The following KMT2A variants were observed in gnomAD, a reference collection of about 807,000 sequenced individuals.
The protein encoded by KMT2A is histone-lysine N-methyltransferase 2A.
KMT2A carries 16 observed loss-of-function variants against 345.3 expected under a neutral mutation model. The observed-to-expected ratio is 0.05, with a 90% CI of 0.03 to 0.07. The LOEUF (loss-of-function observed/expected upper bound fraction) is 0.07. KMT2A is among the 10% of genes least tolerant of loss of function. KMT2A has a pLI of 1.00. For synonymous variants in KMT2A, 1,599 were observed against 1,778.6 expected (o/e 0.90, Z 2.54); for missense variants, 3,272 against 4,841.6 (o/e 0.68, Z 9.62).
chr11:118,514,348 C>A (rs1350120688), intron 31 of KMT2A, among the ~76,000 whole-genome samples: 1 of 152,110 alleles, frequency 6.6e-6, no homozygotes, highest in East Asian at 1.9e-4. Context: ...TTCATCTGTT[C>A]AGTCTCAGCT....
intron 1 of KMT2A, among the ~76,000 whole-genome samples, chr11:118,443,306 A>G (rs1555026349): frequency 6.6e-6 from 1 of 152,240 alleles, no homozygotes; most frequent in Non-Finnish European, 1.5e-5. Context: ...ATGACTTCCC[A>G]TAAAATGGTT....
At chr11:118,489,595 C>G (rs1387394741) in intron 11 of KMT2A, among the ~76,000 whole-genome samples, 197 bp from the exon 12 acceptor site, 1 of 152,176 alleles carries the variant, frequency 6.6e-6, no homozygotes, top group Non-Finnish European at 1.5e-5. Context: ...AATATGAATA[C>G]TCATCACTGA....
chr11:118,501,933 T>C, intron 26 of KMT2A, 76 bp downstream of exon 26: 1 of 1,245,706 alleles, frequency 8.0e-7, no homozygotes, highest in South Asian at 1.4e-5. Flanking sequence ...CAGGCAACTT[T>C]ATCTTGGTGA....
intron 1 of KMT2A, chr11:118,450,423 C>T (rs1353203986): frequency 6.6e-6 from 1 of 152,130 alleles, no homozygotes; most frequent in East Asian, 1.9e-4. Flanking sequence ...ATCTTTGCTG[C>T]TTATTCTTGT....
At position 118,493,696 on chromosome 11, in the gene KMT2A, T is replaced by C. The variant is rs920439805; in HGVS notation, c.5178+466T>C. ...CTCATGATCTATATTTGCGATTCTG[T>C]TGTTTATTTTTATTTATTTATTTAT... On this transcript the variant is annotated intron_variant, in intron 16 of 35. Transcript: ENST00000534358. This position sits in a 1 kb window ranked among gnomAD's most constrained non-coding sequence, Gnocchi z 5.8. Among the ~76,000 whole-genome samples the C allele has an allele frequency of 4.3e-4, 66 of 152,180 alleles. 1 individual carries two copies. The highest frequency in any genetic ancestry group is 1.6e-3 in the African/African-American group (66 of 41,538).
At chr11:118,485,747 C>T (rs1374298794) in intron 10 of KMT2A, among the ~76,000 whole-genome samples, 1 of 152,098 alleles carries the variant, frequency 6.6e-6, no homozygotes, top group Non-Finnish European at 1.5e-5. Context: ...AAACTGGAAA[C>T]AACCCGAAAG....
Position 118,521,538 on chromosome 11 carries a change from A to G in KMT2A, c.11643+121A>G, listed in dbSNP as rs563370323. The G allele has an allele frequency of 1.0e-3, 1,246 of 1,223,882 alleles. 10 individuals are homozygous for G. In the Middle Eastern group the frequency reaches 0.011, roughly 11 times the overall value. The allele number at this position is 1,223,882 out of a possible 1,614,324, so 75.8% of individuals were successfully genotyped here. On this transcript the variant is annotated intron_variant, in intron 35 of 35. Transcript: ENST00000534358. The surrounding 1 kb of genome is among the most constrained non-coding windows in gnomAD (Gnocchi z 5.3). ...CAATTCAGAGACCTTTCTTAAAAAA[A>G]TAAACTCTGAAATTTGTGAGGGGCC...
chr11:118,476,612 C>CT lies in KMT2A; in HGVS notation c.3157-186dup, dbSNP rs1950042863. On this transcript the variant is annotated intron_variant, in intron 3 of 35. Transcript: ENST00000534358. This position sits in a 1 kb window ranked among gnomAD's most constrained non-coding sequence, Gnocchi z 4.1. ...TGTTTTTTATTTTTTGATTAGAGGC[C>CT]TTTTTTTGTGCTGCCAATTAGGATA... 1.3e-5 allele frequency among the ~76,000 whole-genome samples: 2 copies of CT among 152,102 alleles called. No individual in the cohort carries two copies. Among genetic ancestry groups the CT allele is most frequent in the South Asian group, 2.1e-4 (1 of 4,822 alleles).
chr11:118,460,176 T>C (rs1393035853), intron 1 of KMT2A, among the ~76,000 whole-genome samples: 1 of 152,254 alleles, frequency 6.6e-6, no homozygotes. Flanking sequence ...TTTCTAGCTC[T>C]GGAGTGCCTA....
chr11:118,444,150 C>G (rs980175178), intron 1 of KMT2A, among the ~76,000 whole-genome samples: 12 of 152,162 alleles, frequency 7.9e-5, no homozygotes, highest in Admixed American at 5.9e-4. Flanking sequence ...TTTATACTAT[C>G]TCAGTTCTAA....
In KMT2A at chr11:118,492,907, C is replaced by T. The variant is rs577070092; in HGVS notation, c.5005-150C>T. 49 of 656,234 alleles carry T rather than the reference C, an allele frequency of 7.5e-5. No individual in the cohort carries two copies. The African/African-American group carries it at 8.6e-4, about 11-fold the overall frequency. The allele number at this position is 656,234 out of a possible 1,614,324, so 40.7% of individuals were successfully genotyped here. ...CATAACAGTCTCATTTTTAACTTTC[C>T]TTTTCTATTTGAGAAATCTGATTAT... On this transcript the variant is annotated intron_variant, in intron 15 of 35. Coordinates refer to ENST00000534358, the MANE Select transcript of KMT2A (RefSeq NM_001197104.2).
chr11:118,472,060 C>G lies in KMT2A; in HGVS notation c.901C>G (p.Arg301Gly). Residue 301 changes from arginine to glycine, a missense_variant, in exon 3 of 36, where the codon CGA (arginine) becomes GGA (glycine). By Grantham distance (125) the Arg-to-Gly change is moderately radical. Coordinates refer to ENST00000534358, the MANE Select transcript of KMT2A (RefSeq NM_001197104.2). The stretch of plus-strand genomic sequence containing the variant: ...AGGAAGGAAGGGGGTACAAATTGTA[C>G]GACGGAGAGGAAGGCCTCCATCAAC... ...QIGRKGVQIV[R>G]RRGRPPSTER... The G allele has an allele frequency of 2.5e-6, 4 of 1,613,486 alleles. No individual in the cohort carries two copies. Among genetic ancestry groups the G allele is most frequent in the Non-Finnish European group, 3.4e-6 (4 of 1,179,908 alleles).
chr11:118,447,406 C>T (rs771962002), intron 1 of KMT2A, among the ~76,000 whole-genome samples: 5 of 152,152 alleles, frequency 3.3e-5, no homozygotes, highest in Non-Finnish European at 5.9e-5. Context: ...ACTAGGAGAA[C>T]TTAAGACTAC....
rs782224592 is a variant in KMT2A, at chr11:118,503,596, A to T, written c.7704A>T (p.Pro2568=). Reference sequence around the variant, plus strand: ...AACCAATTTCAGCCTCTGAAAATCCAGGAGATGGTCCAGTGGCCCAACCAA... The same window carrying T: ...AACCAATTTCAGCCTCTGAAAATCCTGGAGATGGTCCAGTGGCCCAACCAA... ...PTEPISASEN[P]GDGPVAQPSP... The change falls in exon 27 of 36, where the codon CCA becomes CCT. Residue 2568 remains proline (P), a synonymous_variant. Coordinates refer to ENST00000534358, the MANE Select transcript of KMT2A (RefSeq NM_001197104.2). This position sits in a 1 kb window ranked among gnomAD's most constrained non-coding sequence, Gnocchi z 5.3. 6 of 1,614,092 alleles carry T rather than the reference A, an allele frequency of 3.7e-6. No homozygotes were observed. Among genetic ancestry groups the T allele is most frequent in the Non-Finnish European group, 5.1e-6 (6 of 1,180,036 alleles).
chr11:118,477,716 A>G (rs1420907038), intron 4 of KMT2A, among the ~76,000 whole-genome samples: 1 of 151,680 alleles, frequency 6.6e-6, no homozygotes, highest in Non-Finnish European at 1.5e-5. Flanking sequence ...TATGTTGGCC[A>G]GGCTGGTCTC....
chr11:118,515,503 T>A (rs1017839752), intron 31 of KMT2A, among the ~76,000 whole-genome samples: 2 of 152,162 alleles, frequency 1.3e-5, no homozygotes, highest in Non-Finnish European at 2.9e-5. Flanking sequence ...TAGATTCTTT[T>A]CTTCTTTCCA....
chr11:118,500,735 A>G (rs951636550), intron 24 of KMT2A: 4 of 325,344 alleles, frequency 1.2e-5, no homozygotes, highest in African/African-American at 2.1e-5. Flanking sequence ...ATGTTTTACT[A>G]TATTTGGTGC....
At chr11:118,487,109 A>G (rs1950243302) in intron 10 of KMT2A, among the ~76,000 whole-genome samples, 1 of 152,158 alleles carries the variant, frequency 6.6e-6, no homozygotes, top group South Asian at 2.1e-4. Flanking sequence ...TAAGTGCAGA[A>G]GTTCAGATAT....
At chr11:118,456,643 A>T (rs1442873942) in intron 1 of KMT2A, among the ~76,000 whole-genome samples, 2 of 152,106 alleles carry the variant, frequency 1.3e-5, no homozygotes, top group African/African-American at 4.8e-5. Context: ...TGGCATGCCT[A>T]TATATTTCTA....
Sources: allele counts gnomAD v4.1 joint callset (sites outside exome capture counted in the v4.1 genomes callset), GRCh38; gene constraint gnomAD v4.1.1; non-coding constraint Gnocchi (gnomAD v3.1); transcripts MANE v1.5; gene names NCBI Gene and HGNC (gene_info 2026-07-23, HGNC 2026-07-21).